Variants in PKHD1L1 observed in about 807,000 individuals in gnomAD.
PKHD1L1 encodes fibrocystin-L.
PKHD1L1 carries 434 observed loss-of-function variants against 462.9 expected under a neutral mutation model. That is an observed-to-expected ratio of 0.94 (90% CI 0.87 to 1.02). The LOEUF is 1.02. Among genes scored for constraint, PKHD1L1 ranks in the 50% least tolerant of loss-of-function variants. The probability of loss-of-function intolerance (pLI) is 0.00; values close to 1 mark genes in which losing one functional copy is unlikely to be tolerated. For missense variants in PKHD1L1, 5,202 were observed against 5,096.1 expected, an observed-to-expected ratio of 1.02 and a Z score of -0.63; for synonymous variants, 1,781 against 1,750.0, an observed-to-expected ratio of 1.02 and a Z score of -0.44.
chr8:109,527,546 G>T (rs1820881286), intron 77 of PKHD1L1, among the ~76,000 whole-genome samples: 1 of 152,108 alleles, frequency 6.6e-6, no homozygotes, highest in Admixed American at 6.6e-5. Context: ...AATAAATAAT[G>T]TGAAACAAAA....
chr8:109,435,895 A>G (rs915126184), intron 29 of PKHD1L1, among the ~76,000 whole-genome samples: 8 of 151,944 alleles, frequency 5.3e-5, no homozygotes, highest in African/African-American at 1.5e-4. Context: ...ACATTATTTC[A>G]TCGCTTATTT....
intron 2 of PKHD1L1, among the ~76,000 whole-genome samples, chr8:109,369,086 C>T (rs895285936): frequency 6.6e-6 from 1 of 151,920 alleles, no homozygotes; most frequent in African/African-American, 2.4e-5. Flanking sequence ...TTCAAGAATT[C>T]TCCTGCCTCA....
intron 21 of PKHD1L1, among the ~76,000 whole-genome samples, chr8:109,416,491 C>G (rs1042098899): frequency 2.6e-5 from 4 of 152,138 alleles, no homozygotes; most frequent in African/African-American, 7.2e-5. Flanking sequence ...TTCCATTTAT[C>G]TGTGTTGAGA....
At chr8:109,417,363 A>T (rs1276315072) in intron 21 of PKHD1L1, among the ~76,000 whole-genome samples, 2 of 152,152 alleles carry the variant, frequency 1.3e-5, no homozygotes, top group African/African-American at 2.4e-5. Flanking sequence ...AAAATTTTTT[A>T]AAAATTAAAA....
chr8:109,459,525 A>T, intron 46 of PKHD1L1, 70 bp from the exon 47 acceptor site: 1 of 1,254,308 alleles, frequency 8.0e-7, no homozygotes, highest in Non-Finnish European at 1.1e-6. Context: ...TGAATAAAAC[A>T]AATATACCAA....
Position 109,471,065 on chromosome 8 carries a change from TCTC to T in PKHD1L1, c.8606-4049_8606-4047del, listed in dbSNP as rs542978428. ...ATTAACACCTTCTGCGATGAAATCT[TCTC>T]CTCAAATTCCTCATCAAACATACAG... On this transcript the variant is annotated intron_variant, in intron 50 of 77. Transcript: ENST00000378402. 350 of 1,579,688 alleles carry T rather than the reference TCTC, an allele frequency of 2.2e-4. 2 individuals are homozygous for T. In the South Asian group the frequency reaches 2.7e-3, roughly 12 times the overall value.
At chr8:109,511,381 T>C (rs1819972279) in intron 71 of PKHD1L1, among the ~76,000 whole-genome samples, 2 of 129,236 alleles carry the variant, frequency 1.5e-5, no homozygotes. Context: ...AGTGTGATGT[T>C]CCCCTTCCTG....
chr8:109,523,676 A>G (rs1468190174), intron 76 of PKHD1L1, among the ~76,000 whole-genome samples: 1 of 152,224 alleles, frequency 6.6e-6, no homozygotes, highest in South Asian at 2.1e-4. Context: ...ATTTATAGTA[A>G]GAAAAATTAA....
intron 12 of PKHD1L1, among the ~76,000 whole-genome samples, chr8:109,398,774 AC>A (rs1409265355): frequency 1.2e-4 from 19 of 152,192 alleles, no homozygotes; most frequent in African/African-American, 4.3e-4. Context: ...TTATCAAGAC[AC>A]CCTACTGAAA....
intron 2 of PKHD1L1, among the ~76,000 whole-genome samples, chr8:109,365,671 T>C (rs1242779605): frequency 6.6e-6 from 1 of 152,110 alleles, no homozygotes; most frequent in African/African-American, 2.4e-5. Flanking sequence ...GCGAGAGAAA[T>C]GCTCAGATTA....
chr8:109,492,591 C>T (rs778228624), intron 62 of PKHD1L1, among the ~76,000 whole-genome samples: 1 of 151,688 alleles, frequency 6.6e-6, no homozygotes, highest in Non-Finnish European at 1.5e-5. Context: ...ACTATTAATA[C>T]CTTAAGGTAA....
At chr8:109,384,158 G>A in intron 5 of PKHD1L1, 31 bp downstream of exon 5, 1 of 1,477,898 alleles carries the variant, frequency 6.8e-7, no homozygotes, top group African/African-American at 1.4e-5. Flanking sequence ...AATAACTTTT[G>A]GTTTCATGGT....
intron 21 of PKHD1L1, among the ~76,000 whole-genome samples, chr8:109,415,269 G>A (rs1201297192): frequency 6.6e-6 from 1 of 151,902 alleles, no homozygotes; most frequent in Non-Finnish European, 1.5e-5. Context: ...CCCTCCCAAA[G>A]TCCTGGGATT....
intron 12 of PKHD1L1, 110 bp from the exon 13 acceptor site, chr8:109,399,966 T>G: frequency 8.4e-7 from 1 of 1,186,014 alleles, no homozygotes; most frequent in Non-Finnish European, 1.2e-6. Context: ...GCACACATAC[T>G]AAAAATATGA....
chr8:109,439,912 C>A (rs1815676951), intron 32 of PKHD1L1, among the ~76,000 whole-genome samples: 1 of 152,116 alleles, frequency 6.6e-6, no homozygotes, highest in Admixed American at 6.6e-5. Context: ...ACATAAACCT[C>A]AGCACTACAT....
intron 2 of PKHD1L1, among the ~76,000 whole-genome samples, chr8:109,378,178 C>T (rs992705745): frequency 6.6e-6 from 1 of 152,172 alleles, no homozygotes; most frequent in Non-Finnish European, 1.5e-5. Context: ...TTTCACTTTA[C>T]TGTCCTCTGA....
intron 61 of PKHD1L1, 88 bp from the exon 62 acceptor site, chr8:109,491,785 A>C: frequency 8.2e-7 from 1 of 1,214,460 alleles, no homozygotes; most frequent in Non-Finnish European, 1.1e-6. Context: ...ATTTTATGGA[A>C]AAATCAAAAG....
At chr8:109,429,277 G>A (rs1005997099) in intron 25 of PKHD1L1, 63 bp from the exon 26 acceptor site, 2 of 1,331,126 alleles carry the variant, frequency 1.5e-6, no homozygotes, top group Non-Finnish European at 2.0e-6. Context: ...AATTTAAAAT[G>A]AAAAACTAGT....
chr8:109,443,851 A>G lies in PKHD1L1; in HGVS notation c.4740A>G (p.Glu1580=), dbSNP rs1457499593. ...NITPSTGTVN[E]LITIIGHGFS... is the part of the protein sequence containing the mutation. ...CTCCGTCCACTGGAACAGTAAATGA[A>G]CTAATAACAATTATTGGACATGGCT... The change falls in exon 37 of 78, where the codon GAA becomes GAG. Residue 1580 remains glutamate, a synonymous_variant. Coordinates refer to ENST00000378402, the MANE Select transcript of PKHD1L1 (RefSeq NM_177531.6). 1.9e-6 allele frequency: 3 copies of G among 1,613,774 alleles called. No individual in the cohort carries two copies. Among genetic ancestry groups the G allele is most frequent in the Admixed American group, 3.3e-5 (2 of 59,996 alleles).
Sources: gnomAD v4.1 joint callset for allele counts (sites outside exome capture counted in the v4.1 genomes callset) on GRCh38, gnomAD v4.1.1 for gene constraint, MANE v1.5 for transcripts, NCBI Gene and HGNC (gene_info 2026-07-23, HGNC 2026-07-21) for gene names.